LIFR: variants seen among roughly 807,000 people sequenced by gnomAD.
LIFR encodes the protein leukemia inhibitory factor receptor.
Under a neutral mutation model 122.2 loss-of-function variants are expected in LIFR, and 84 were observed. The observed-to-expected ratio is 0.69, with a 90% CI of 0.58 to 0.82. The LOEUF is 0.82. Ranked by LOEUF, LIFR falls within the 40% of genes least tolerant of loss-of-function variation. The pLI, the probability that LIFR is intolerant of heterozygous loss-of-function variation, is 0.00. For synonymous variants in LIFR, 422 were observed against 434.7 expected, an observed-to-expected ratio of 0.97 and a Z score of 0.36; for missense variants, 1,294 against 1,311.6, an observed-to-expected ratio of 0.99 and a Z score of 0.21.
chr5:38,498,593 C>G (rs185449399), intron 12 of LIFR, among the ~76,000 whole-genome samples: 6 of 152,324 alleles, frequency 3.9e-5, no homozygotes, highest in Non-Finnish European at 5.9e-5. Context: ...CAAATGGCGG[C>G]ACCATCAGCA....
chr5:38,490,013 A>AC (rs1744492540), intron 15 of LIFR, among the ~76,000 whole-genome samples, 177 bp downstream of exon 15: 3 of 150,916 alleles, frequency 2.0e-5, no homozygotes, highest in Non-Finnish European at 3.0e-5. Context: ...AAAAAAAAAA[A>AC]AAAAAAAAGA....
chr5:38,510,512 C>CTACATTTG lies in LIFR; in HGVS notation c.935_942dup (p.Val315GlnfsTer3). On this transcript the variant is annotated frameshift_variant, in exon 7 of 20. Transcript: ENST00000453190. LOFTEE classifies it high-confidence loss of function. ...AATATGTTATCTTCGGTTGTAAAAACTACATTTGTTCCACTACTTGCAGAA... is the reference window on the plus strand; with the variant it reads ...AATATGTTATCTTCGGTTGTAAAAACTACATTTGTACATTTGTTCCACTACTTGCAGAA... The CTACATTTG allele has an allele frequency of 6.2e-7, 1 of 1,613,806 alleles. No individual in the cohort carries two copies. The highest frequency in any genetic ancestry group is 8.5e-7 in the Non-Finnish European group (1 of 1,179,838).
At chr5:38,493,504 C>A (rs1744708153) in intron 14 of LIFR, 102 bp downstream of exon 14, 7 of 1,123,646 alleles carry the variant, frequency 6.2e-6, no homozygotes, top group Non-Finnish European at 9.5e-6. Context: ...CTATTTATAC[C>A]CATCCAGCAG....
At chr5:38,602,382 C>A (rs1187839945) in intron 2 of LIFR, among the ~76,000 whole-genome samples, 1 of 152,226 alleles carries the variant, frequency 6.6e-6, no homozygotes, top group East Asian at 1.9e-4. Flanking sequence ...TTTCACAATT[C>A]CACACCCTTG....
chr5:38,496,774 C>CGAGACCAGCCTGGCCAACATGGTG (rs1744906559), intron 12 of LIFR, among the ~76,000 whole-genome samples, 179 bp from the exon 13 acceptor site: 1 of 151,922 alleles, frequency 6.6e-6, no homozygotes, highest in African/African-American at 2.4e-5. Flanking sequence ...GTCAGGAGTT[C>CGAGACCAGCCTGGCCAACATGGTG]GAGACCAGCC....
At chr5:38,527,480 G>A (rs1181172492) in intron 3 of LIFR, among the ~76,000 whole-genome samples, 186 bp from the exon 4 acceptor site, 1 of 152,114 alleles carries the variant, frequency 6.6e-6, no homozygotes, top group African/African-American at 2.4e-5. Flanking sequence ...TGTGGGGGTA[G>A]GAAAAACAAC....
At chr5:38,593,464 C>T (rs1365634231) in intron 1 of LIFR, among the ~76,000 whole-genome samples, 1 of 152,072 alleles carries the variant, frequency 6.6e-6, no homozygotes, top group Admixed American at 6.5e-5. Context: ...TGCTCAATAG[C>T]CACATGCAGC....
At chr5:38,590,274 G>C (rs569319744) in intron 1 of LIFR, among the ~76,000 whole-genome samples, 1 of 152,296 alleles carries the variant, frequency 6.6e-6, no homozygotes, top group East Asian at 1.9e-4. Context: ...AAATCCCCAG[G>C]GAGGACTGGT....
At chr5:38,524,115 A>C (rs1040936452) in intron 4 of LIFR, among the ~76,000 whole-genome samples, 1 of 152,148 alleles carries the variant, frequency 6.6e-6, no homozygotes, top group Non-Finnish European at 1.5e-5. Flanking sequence ...AAAATAACAA[A>C]ATATAGAAAG....
At chr5:38,541,892 C>T (rs766658068) in intron 1 of LIFR, among the ~76,000 whole-genome samples, 4 of 151,992 alleles carry the variant, frequency 2.6e-5, no homozygotes, top group African/African-American at 7.3e-5. Flanking sequence ...CAGCAACACA[C>T]GGGAAAACCA....
chr5:38,544,815 C>T (rs1260019865), intron 1 of LIFR, among the ~76,000 whole-genome samples: 1 of 152,118 alleles, frequency 6.6e-6, no homozygotes, highest in Non-Finnish European at 1.5e-5. Flanking sequence ...GGCTCCTGTT[C>T]AGCACTCCTC....
intron 1 of LIFR, among the ~76,000 whole-genome samples, chr5:38,539,062 G>A (rs894630701): frequency 5.3e-5 from 8 of 152,018 alleles, no homozygotes; most frequent in Admixed American, 3.9e-4. Context: ...CCGTGTTCAC[G>A]CCATTCTCCT....
At chr5:38,586,097 G>A (rs897183221) in intron 1 of LIFR, among the ~76,000 whole-genome samples, 1 of 151,946 alleles carries the variant, frequency 6.6e-6, no homozygotes, top group African/African-American at 2.4e-5. Flanking sequence ...ATTTGCCTGG[G>A]GTTCTGGTAA....
chr5:38,507,559 G>A (rs1479371528), intron 7 of LIFR, among the ~76,000 whole-genome samples: 2 of 50,130 alleles, frequency 4.0e-5, no homozygotes, highest in Admixed American at 2.9e-4. Flanking sequence ...GCGATACTCC[G>A]TCTCAAAAAA....
chr5:38,547,417 C>A (rs1406199093), intron 1 of LIFR, among the ~76,000 whole-genome samples: 1 of 152,130 alleles, frequency 6.6e-6, no homozygotes, highest in Non-Finnish European at 1.5e-5. Flanking sequence ...GGTTACACAA[C>A]CTGTGATGTA....
rs184169107 is a variant in LIFR, at chr5:38,605,604, A to G, written n.305+601T>C. On this transcript the variant is annotated intron_variant and non_coding_transcript_variant, in intron 2 of 3. Transcript: ENST00000507786. ...GCCAAGCTGGGAACTGCTTAGAGCAAACCTGCCTCTCGTTCTATTCCTAAA... is the reference window on the plus strand; with the variant it reads ...GCCAAGCTGGGAACTGCTTAGAGCAGACCTGCCTCTCGTTCTATTCCTAAA... Among the ~76,000 whole-genome samples, 726 of 152,300 alleles carry G rather than the reference A, an allele frequency of 4.8e-3. 13 individuals carry two copies. The highest frequency in any genetic ancestry group is 0.041 in the Admixed American group (627 of 15,300).
At chr5:38,596,533 G>T (rs903536121), upstream of LIFR, among the ~76,000 whole-genome samples, 23 of 136,826 alleles carry the variant, frequency 1.7e-4, no homozygotes, top group Admixed American at 1.1e-3. Context: ...TCCAGGTCAT[G>T]CTGCTGGACT....
In LIFR at chr5:38,499,579, A is replaced by G; in HGVS notation, c.1605T>C (p.Pro535=). ...KKQHLTTEAS[P]SKGPDTWREW... is the part of the protein sequence containing the mutation. The stretch of plus-strand genomic sequence containing the variant: ...CTCTCCAAGTATCAGGCCCCTTTGA[A>G]GGACCTAAAAAGGAGATTTTAAAGT... Residue 535 remains proline, a synonymous_variant, in exon 12 of 20, where the codon CCT becomes CCC. Coordinates refer to ENST00000453190, the MANE Select transcript of LIFR (RefSeq NM_001127671.2). 6.2e-7 allele frequency: 1 copy of G among 1,604,508 alleles called. No homozygotes were observed.
In LIFR at chr5:38,544,999, G is replaced by A. The variant is rs557590210; in HGVS notation, c.-20+11335C>T. ...AAAACTTAAATCATGGCCAGGCACAGTGGCTCATGCCTATAATCCCAGCAC... is the reference window on the plus strand; with the variant it reads ...AAAACTTAAATCATGGCCAGGCACAATGGCTCATGCCTATAATCCCAGCAC... On this transcript the variant is annotated intron_variant, in intron 1 of 19. Transcript: ENST00000453190. Among the ~76,000 whole-genome samples the A allele has an allele frequency of 5.9e-5, 9 of 152,362 alleles. No homozygotes were observed. In the South Asian group the frequency reaches 1.9e-3, roughly 32 times the overall value.
Sources: allele counts gnomAD v4.1 joint callset (sites outside exome capture counted in the v4.1 genomes callset), GRCh38; gene constraint gnomAD v4.1.1; transcripts MANE v1.5; gene names NCBI Gene and HGNC (gene_info 2026-07-23, HGNC 2026-07-21).